Variants in GABRG3 observed in about 807,000 individuals in gnomAD.
The protein encoded by GABRG3 is gamma-aminobutyric acid receptor subunit gamma-3.
GABRG3 carries 25 observed loss-of-function variants against 48.8 expected under a neutral mutation model. The observed-to-expected ratio is 0.51, with a 90% CI of 0.37 to 0.72. The LOEUF (loss-of-function observed/expected upper bound fraction) is 0.72, where lower values mean the gene tolerates loss of function less well. Among genes scored for constraint, GABRG3 ranks in the 30% least tolerant of loss-of-function variants. The pLI is 0.00. For synonymous variants in GABRG3, 227 were observed against 217.6 expected (o/e 1.04, Z -0.38); for missense variants, 394 against 577.9 (o/e 0.68, Z 3.26).
chr15:27,248,619 G>T (rs1890337324), intron 3 of GABRG3, among the ~76,000 whole-genome samples: 1 of 152,172 alleles, frequency 6.6e-6, no homozygotes, highest in East Asian at 1.9e-4. Flanking sequence ...CTGTGTACCT[G>T]CCCTGTACTG....
chr15:27,500,495 G>A (rs1890596230), intron 6 of GABRG3, among the ~76,000 whole-genome samples: 1 of 152,200 alleles, frequency 6.6e-6, no homozygotes, highest in Non-Finnish European at 1.5e-5. Flanking sequence ...AAGGTACAGA[G>A]TGGTGCAAGA....
At chr15:27,410,321 TC>T (rs1288027412) in intron 5 of GABRG3, among the ~76,000 whole-genome samples, 1 of 152,196 alleles carries the variant, frequency 6.6e-6, no homozygotes, top group African/African-American at 2.4e-5. Context: ...AAATCATTTT[TC>T]ATCTCAATTT....
chr15:27,057,417 T>G (rs2140718420), intron 3 of GABRG3, among the ~76,000 whole-genome samples: 1 of 152,326 alleles, frequency 6.6e-6, no homozygotes, highest in South Asian at 2.1e-4. Context: ...TGCCTCTGAT[T>G]TTTAGGAGAA....
intron 2 of GABRG3, among the ~76,000 whole-genome samples, chr15:26,984,406 C>A (rs552667966): frequency 9.9e-5 from 15 of 152,226 alleles, no homozygotes; most frequent in Admixed American, 9.2e-4. Flanking sequence ...GTTCATGTTG[C>A]GTGGAAGTAA....
At chr15:27,284,812 G>T (rs1181490745) in intron 3 of GABRG3, among the ~76,000 whole-genome samples, 1 of 152,188 alleles carries the variant, frequency 6.6e-6, no homozygotes, top group Non-Finnish European at 1.5e-5. Flanking sequence ...AAAAACACTT[G>T]TATCTGTGTT....
intron 6 of GABRG3, among the ~76,000 whole-genome samples, chr15:27,496,941 T>C (rs1405536684): frequency 6.6e-6 from 1 of 152,198 alleles, no homozygotes; most frequent in Admixed American, 6.5e-5. Context: ...GATGATGTTC[T>C]GTGAAAATTT....
chr15:27,325,298 C>T (rs539610088), intron 3 of GABRG3, among the ~76,000 whole-genome samples: 51 of 152,276 alleles, frequency 3.3e-4, no homozygotes, highest in African/African-American at 1.2e-3. Flanking sequence ...AAGGCTGAGG[C>T]CATTCATCCC....
intron 3 of GABRG3, among the ~76,000 whole-genome samples, chr15:27,104,352 TCA>T (rs1897413080): frequency 6.6e-6 from 1 of 152,176 alleles, no homozygotes; most frequent in African/African-American, 2.4e-5. Context: ...GTGGCATGAG[TCA>T]GTCATGGCCA....
At chr15:27,306,234 TATATAAACATA>T (rs1054587663) in intron 3 of GABRG3, among the ~76,000 whole-genome samples, 1 of 82,940 alleles carries the variant, frequency 1.2e-5, no homozygotes, top group African/African-American at 5.0e-5. Flanking sequence ...ATATGTTCTA[TATATAAACATA>T]ATATAAACAT....
At chr15:27,359,481 G>A (rs1227410520) in intron 5 of GABRG3, among the ~76,000 whole-genome samples, 13 of 152,140 alleles carry the variant, frequency 8.5e-5, no homozygotes, top group Admixed American at 8.5e-4. Flanking sequence ...TATTTTGAAA[G>A]TGATTGAGTT....
chr15:27,469,923 C>T (rs148439088), intron 5 of GABRG3, among the ~76,000 whole-genome samples: 77 of 152,300 alleles, frequency 5.1e-4, no homozygotes, highest in African/African-American at 1.7e-3. Flanking sequence ...GCTGCCTTGA[C>T]GACATAAGAC....
Position 27,307,426 on chromosome 15 carries a change from GGTTTATATA to G in GABRG3, c.271-19382_271-19374del, listed in dbSNP as rs1234279070. ...TTATATATTTATATATAAACATATA[GGTTTATATA>G]TTTATATATAAACATATAGGTTTAT... On this transcript the variant is annotated intron_variant, in intron 3 of 9. Coordinates refer to ENST00000615808, the MANE Select transcript of GABRG3 (RefSeq NM_033223.5). Among the ~76,000 whole-genome samples the G allele has an allele frequency of 3.5e-4, 26 of 75,292 alleles. 6 individuals are homozygous for G. Among genetic ancestry groups the G allele is most frequent in the Non-Finnish European group, 5.7e-4 (19 of 33,472 alleles). The allele number at this position is 75,292 out of a possible 152,430, so 49.4% of individuals were successfully genotyped here. A position where few individuals can be genotyped will look rare whatever the true frequency, so the allele number is the denominator to read the frequency against.
At chr15:27,044,759 A>G (rs1303304387) in intron 3 of GABRG3, among the ~76,000 whole-genome samples, 1 of 152,256 alleles carries the variant, frequency 6.6e-6, no homozygotes, top group Non-Finnish European at 1.5e-5. Context: ...AATGAGGGAC[A>G]GAAACAGCTC....
chr15:27,035,002 G>C (rs759510169), intron 3 of GABRG3, among the ~76,000 whole-genome samples: 3 of 152,198 alleles, frequency 2.0e-5, no homozygotes, highest in Non-Finnish European at 4.4e-5. Flanking sequence ...GGCCATGGCT[G>C]TCAGCACCTG....
In GABRG3 at chr15:27,286,930, C is replaced by T. The variant is rs569965840; in HGVS notation, c.271-39879C>T. Among the ~76,000 whole-genome samples, 213 of 152,212 alleles carry T rather than the reference C, an allele frequency of 1.4e-3. 1 individual carries two copies. Among genetic ancestry groups the T allele is most frequent in the African/African-American group, 4.8e-3 (201 of 41,526 alleles). On this transcript the variant is annotated intron_variant, in intron 3 of 9. Coordinates refer to ENST00000615808, the MANE Select transcript of GABRG3 (RefSeq NM_033223.5). ...TCCACAGTGTCGGTCTAGAACTGGG[C>T]GTGTAATAGGCGACTGAAGTGATCC...
intron 3 of GABRG3, among the ~76,000 whole-genome samples, chr15:27,297,482 C>T (rs1892035589): frequency 1.3e-5 from 2 of 152,260 alleles, no homozygotes; most frequent in South Asian, 2.1e-4. Context: ...TTTTACCATA[C>T]ATTTTTTATG....
At chr15:27,231,009 ATGTGTG>A (rs3068361) in intron 3 of GABRG3, among the ~76,000 whole-genome samples, 2,228 of 143,458 alleles carry the variant, frequency 0.016, 41 homozygotes, top group African/African-American at 0.036. Flanking sequence ...AAACAGTAAA[ATGTGTG>A]TGTGTGTGTG....
At position 26,971,304 on chromosome 15, in the gene GABRG3, CGCTAGTGCGCGGGTGGG is replaced by C; in HGVS notation, c.-230_-214del. 4.4e-6 allele frequency: 1 copy of C among 226,810 alleles called. No homozygotes were observed. Among genetic ancestry groups the C allele is most frequent in the African/African-American group, 2.3e-5 (1 of 42,960 alleles). The allele number at this position is 226,810 out of a possible 1,614,324, so 14.0% of individuals were successfully genotyped here. ...CCCGCCGCCCGGTTGCGCGGACCGG[CGCTAGTGCGCGGGTGGG>C]GGCGGCGCGCCGCGGTGGCCCGGCG... On this transcript the variant is annotated 5_prime_UTR_variant, in exon 1 of 10. Coordinates refer to ENST00000615808, the MANE Select transcript of GABRG3 (RefSeq NM_033223.5).
chr15:27,033,717 T>G (rs35044463), intron 3 of GABRG3, among the ~76,000 whole-genome samples: 29,753 of 152,160 alleles, frequency 0.2, 3,024 homozygotes, highest in Non-Finnish European at 0.22. Context: ...TATGTGGTTT[T>G]AATATTATTT....
Sources: gnomAD v4.1 joint callset for allele counts (sites outside exome capture counted in the v4.1 genomes callset) on GRCh38, gnomAD v4.1.1 for gene constraint, MANE v1.5 for transcripts, NCBI Gene and HGNC (gene_info 2026-07-23, HGNC 2026-07-21) for gene names.